MACROH2A1: variants seen among roughly 807,000 people sequenced by gnomAD.
The protein encoded by MACROH2A1 is macroH2A.1 histone, also known as core histone macro-H2A.1.
MACROH2A1 carries 2 observed loss-of-function variants against 31.6 expected under a neutral mutation model. The ratio of observed to expected loss-of-function variants is 0.06; its 90% confidence interval spans 0.03 to 0.20. The LOEUF (loss-of-function observed/expected upper bound fraction) is 0.20, where lower values mean the gene tolerates loss of function less well. MACROH2A1 is among the 10% of genes least tolerant of loss of function. The pLI, the probability that MACROH2A1 is intolerant of heterozygous loss-of-function variation, is 1.00. For missense variants in MACROH2A1, 230 were observed against 474.0 expected, an observed-to-expected ratio of 0.49 and a Z score of 4.78; for synonymous variants, 169 against 189.6, an observed-to-expected ratio of 0.89 and a Z score of 0.89.
intron 4 of MACROH2A1, chr5:135,360,972 A>G: frequency 1.7e-5 from 6 of 363,444 alleles, no homozygotes; most frequent in South Asian, 8.8e-5. Context: ...ATACTATTCA[A>G]GCTTAAGAAG....
chr5:135,354,974 C>T, intron 5 of MACROH2A1: 1 of 419,814 alleles, frequency 2.4e-6, no homozygotes, highest in Non-Finnish European at 4.8e-6. Flanking sequence ...GCTTTTAAGG[C>T]ACCTATAAAT....
chr5:135,348,341 C>T (rs140487964), intron 6 of MACROH2A1, among the ~76,000 whole-genome samples: 3 of 152,308 alleles, frequency 2.0e-5, no homozygotes, highest in Non-Finnish European at 4.4e-5. Flanking sequence ...ATGTGTTACT[C>T]CCATGAGAAC....
chr5:135,345,737 A>AAAC, intron 7 of MACROH2A1: 2 of 482,622 alleles, frequency 4.1e-6, no homozygotes, highest in South Asian at 6.4e-5. Context: ...TCTAGACATC[A>AAAC]AACATATAGG....
intron 6 of MACROH2A1, among the ~76,000 whole-genome samples, chr5:135,352,718 G>A (rs1761727519): frequency 6.6e-6 from 1 of 152,212 alleles, no homozygotes; most frequent in Non-Finnish European, 1.5e-5. Flanking sequence ...AGATGGCAAT[G>A]TATTTGCAAT....
intron 2 of MACROH2A1, among the ~76,000 whole-genome samples, chr5:135,383,696 G>A (rs1765965826): frequency 7.5e-6 from 1 of 132,720 alleles, no homozygotes; most frequent in African/African-American, 3.5e-5. Flanking sequence ...GTGTGATGTG[G>A]TGTGGTGTGT....
chr5:135,344,196 C>T (rs932065745), intron 7 of MACROH2A1: 1 of 152,398 alleles, frequency 6.6e-6, no homozygotes, highest in African/African-American at 2.4e-5. Flanking sequence ...CTGCAAAGTA[C>T]CATGTCTCCC....
chr5:135,388,728 G>A (rs1766776991), intron 2 of MACROH2A1, among the ~76,000 whole-genome samples, 194 bp downstream of exon 2: 1 of 152,216 alleles, frequency 6.6e-6, no homozygotes, highest in African/African-American at 2.4e-5. Context: ...CACACAATGA[G>A]GGGAGATAAG....
At chr5:135,340,204 T>C (rs1018578710) in intron 8 of MACROH2A1, among the ~76,000 whole-genome samples, 1 of 152,144 alleles carries the variant, frequency 6.6e-6, no homozygotes, top group Non-Finnish European at 1.5e-5. Context: ...CTCTACCAAG[T>C]ACAAGTTGAG....
chr5:135,387,533 G>A (rs1239632850), intron 2 of MACROH2A1, among the ~76,000 whole-genome samples: 1 of 152,164 alleles, frequency 6.6e-6, no homozygotes, highest in African/African-American at 2.4e-5. Context: ...CTTTCTGGCT[G>A]TAGCACAGGT....
At chr5:135,393,488 A>C (rs1212692718) in intron 1 of MACROH2A1, among the ~76,000 whole-genome samples, 1 of 152,236 alleles carries the variant, frequency 6.6e-6, no homozygotes, top group Non-Finnish European at 1.5e-5. Context: ...TGTTTGACCC[A>C]TGTTCTGCAT....
rs377428623 is a variant in MACROH2A1, at chr5:135,371,754, T to C, written c.173-1612A>G. Among the ~76,000 whole-genome samples the C allele has an allele frequency of 6.6e-5, 10 of 152,346 alleles. No homozygotes were observed. The East Asian group carries it at 1.2e-3, about 18-fold the overall frequency. On this transcript the variant is annotated intron_variant, in intron 2 of 8. Transcript: ENST00000511689. ...GGGATGTCATTCTAGGCTACCCTTC[T>C]GGGCCCAACTCAAATCTGACCTCCT...
chr5:135,365,417 T>G (rs568361363), intron 4 of MACROH2A1, among the ~76,000 whole-genome samples: 2 of 152,160 alleles, frequency 1.3e-5, no homozygotes, highest in South Asian at 4.1e-4. Context: ...ATCATGAGAG[T>G]AACCTCACCT....
At chr5:135,358,852 A>C in intron 5 of MACROH2A1, 3 of 984,996 alleles carry the variant, frequency 3.0e-6, no homozygotes, top group Non-Finnish European at 3.6e-6. Context: ...TGGCCCTGAG[A>C]CCAGATGTAT....
Position 135,369,987 on chromosome 5 carries a change from A to C in MACROH2A1, c.279+49T>G, listed in dbSNP as rs1239959599. 6 of 1,197,812 alleles carry C rather than the reference A, an allele frequency of 5.0e-6. No homozygotes were observed. The Admixed American group carries it at 7.0e-5, about 14-fold the overall frequency. The allele number at this position is 1,197,812 out of a possible 1,614,324, so 74.2% of individuals were successfully genotyped here. ...AGCCTCTCAGCTATGTTTCTTGGGC[A>C]GTATGACCACCTGCTCAAACATCAG... On this transcript the variant is annotated intron_variant, in intron 3 of 8. Transcript: ENST00000511689. This position sits in a 1 kb window ranked among gnomAD's most constrained non-coding sequence, Gnocchi z 4.3.
intron 8 of MACROH2A1, among the ~76,000 whole-genome samples, chr5:135,341,557 T>C (rs529605290): frequency 1.3e-5 from 2 of 152,284 alleles, no homozygotes; most frequent in South Asian, 2.1e-4. Flanking sequence ...GCCTTGGCCA[T>C]AGAAAGCCCT....
intron 1 of MACROH2A1, among the ~76,000 whole-genome samples, chr5:135,392,086 C>T (rs565513104): frequency 6.6e-6 from 1 of 152,318 alleles, no homozygotes; most frequent in East Asian, 1.9e-4. Context: ...ACACGCAGTT[C>T]TCCTGCCTGG....
Position 135,369,629 on chromosome 5 carries a change from T to G in MACROH2A1, c.280-26A>C, listed in dbSNP as rs370160432. 25 of 1,579,512 alleles carry G rather than the reference T, an allele frequency of 1.6e-5. No homozygotes were observed. The highest frequency in any genetic ancestry group is 2.1e-5 in the Non-Finnish European group (24 of 1,149,818). On this transcript the variant is annotated intron_variant, in intron 3 of 8. Coordinates refer to ENST00000511689, the MANE Select transcript of MACROH2A1 (RefSeq NM_138610.3). The surrounding 1 kb of genome is among the most constrained non-coding windows in gnomAD (Gnocchi z 4.3). The stretch of plus-strand genomic sequence containing the variant: ...CTTTCAGGAAAACCAGAATAGCAGA[T>G]AGTGAGCCAGATACCCTGCTTCTAA...
At chr5:135,359,224 G>A (rs1762544519) in intron 5 of MACROH2A1, 1 of 985,296 alleles carries the variant, frequency 1.0e-6, no homozygotes, top group Non-Finnish European at 1.2e-6. Flanking sequence ...AAAAGAGGGA[G>A]AAGGTGACCC....
At position 135,398,542 on chromosome 5, in the gene MACROH2A1, C is replaced by T. The variant is rs910035282; in HGVS notation, c.-34+520G>A. Among the ~76,000 whole-genome samples, 25 of 152,222 alleles carry T rather than the reference C, an allele frequency of 1.6e-4. No individual in the cohort carries two copies. The highest frequency in any genetic ancestry group is 5.5e-4 in the African/African-American group (23 of 41,464). ...CCCGCCTTCCCCTCCCTGCAGATAG[C>T]GAGCCAGACGCCTACACCTCGGCCC... On this transcript the variant is annotated intron_variant, in intron 1 of 8. Coordinates refer to ENST00000511689, the MANE Select transcript of MACROH2A1 (RefSeq NM_138610.3). This position sits in a 1 kb window ranked among gnomAD's most constrained non-coding sequence, Gnocchi z 4.6.
Sources: allele counts gnomAD v4.1 joint callset (sites outside exome capture counted in the v4.1 genomes callset), GRCh38; gene constraint gnomAD v4.1.1; non-coding constraint Gnocchi (gnomAD v3.1); transcripts MANE v1.5; gene names NCBI Gene and HGNC (gene_info 2026-07-23, HGNC 2026-07-21).